The following IFT80 variants were observed in gnomAD, a reference collection of about 807,000 sequenced individuals.
IFT80 encodes the protein intraflagellar transport protein 80 homolog.
A neutral mutation model predicts 107.9 loss-of-function variants in IFT80; 79 were observed. That is an observed-to-expected ratio of 0.73 (90% CI 0.61 to 0.88). IFT80 has a LOEUF of 0.88. IFT80 is among the 40% of genes least tolerant of loss of function. The pLI, the probability that IFT80 is intolerant of heterozygous loss-of-function variation, is 0.00. For synonymous variants in IFT80, 299 were observed against 300.9 expected (o/e 0.99, Z 0.07); for missense variants, 797 against 914.2 (o/e 0.87, Z 1.65).
chr3:160,315,208 A>T (rs1011033255), intron 9 of IFT80, among the ~76,000 whole-genome samples: 2 of 152,202 alleles, frequency 1.3e-5, no homozygotes, highest in African/African-American at 4.8e-5. Flanking sequence ...GGGATAGTCA[A>T]CTATGTATTC....
At chr3:160,311,784 T>C (rs1717273417) in intron 9 of IFT80, among the ~76,000 whole-genome samples, 1 of 152,110 alleles carries the variant, frequency 6.6e-6, no homozygotes, top group Non-Finnish European at 1.5e-5. Flanking sequence ...TGTTTTTTGT[T>C]TGTCTGTTTT....
chr3:160,337,583 C>T (rs1357016168), intron 8 of IFT80, among the ~76,000 whole-genome samples: 1 of 152,010 alleles, frequency 6.6e-6, no homozygotes, highest in Admixed American at 6.5e-5. Context: ...GAGATCGTGC[C>T]ACTGTACTCC....
At chr3:160,313,074 A>T (rs1717532235) in intron 9 of IFT80, among the ~76,000 whole-genome samples, 1 of 106,548 alleles carries the variant, frequency 9.4e-6, no homozygotes, top group Non-Finnish European at 1.8e-5. Flanking sequence ...TATTATATAT[A>T]TTTTATATAA....
intron 5 of IFT80, among the ~76,000 whole-genome samples, chr3:160,369,674 G>A (rs1034070401): frequency 2.0e-5 from 3 of 151,688 alleles, no homozygotes; most frequent in Non-Finnish European, 2.9e-5. Flanking sequence ...GCTATGTTTC[G>A]CTTTGCAAAG....
chr3:160,291,253 C>T (rs868159361), intron 12 of IFT80, among the ~76,000 whole-genome samples: 3 of 152,114 alleles, frequency 2.0e-5, no homozygotes, highest in South Asian at 2.1e-4. Context: ...CCCCTATAAC[C>T]GAAGAATAGA....
At position 160,347,699 on chromosome 3, in the gene IFT80, T is replaced by G. The variant is rs545229929; in HGVS notation, c.777+8314A>C. 2.0e-5 allele frequency among the ~76,000 whole-genome samples: 3 copies of G among 152,300 alleles called. No homozygotes were observed. The East Asian group carries it at 5.8e-4, about 29-fold the overall frequency. ...AACCCAGTCTTTTTACTAAATAACA[T>G]CATAAGTATCTTTCCAGGTGATTAA... On this transcript the variant is annotated intron_variant, in intron 8 of 19. Coordinates refer to ENST00000326448, the MANE Select transcript of IFT80 (RefSeq NM_020800.3).
At chr3:160,362,388 A>C (rs1391899626) in intron 6 of IFT80, among the ~76,000 whole-genome samples, 1 of 152,176 alleles carries the variant, frequency 6.6e-6, no homozygotes, top group Non-Finnish European at 1.5e-5. Flanking sequence ...TAACCTACCA[A>C]CCAAAAAAAG....
chr3:160,373,920 C>G (rs66769612), intron 5 of IFT80, among the ~76,000 whole-genome samples: 12,221 of 152,162 alleles, frequency 0.08, 663 homozygotes, highest in African/African-American at 0.14. Context: ...CTGCCCAGTT[C>G]CTAACAGACA....
chr3:160,366,062 G>A lies in IFT80; in HGVS notation c.530C>T (p.Pro177Leu), dbSNP rs1721839000. ...AAGTACCTGCAAAACTTTAGCATTT[G>A]GTTGAAGAGGTTTAATGATTAGCTG... is the stretch of plus-strand genomic sequence containing the variant. ...GKQLIIKPLQ[P>L]NAKVLQWKAH... Residue 177 changes from proline (P) to leucine (L), a missense_variant, in exon 6 of 20, where the codon CCA becomes CTA. Transcript: ENST00000326448. The A allele has an allele frequency of 1.2e-6, 2 of 1,612,104 alleles. No homozygotes were observed. The highest frequency in any genetic ancestry group is 2.2e-5 in the East Asian group (1 of 44,826).
chr3:160,280,935 C>G, intron 14 of IFT80, 121 bp from the exon 15 acceptor site: 1 of 831,978 alleles, frequency 1.2e-6, no homozygotes, highest in South Asian at 1.5e-5. Flanking sequence ...ACTCTACTTT[C>G]TGATTCTATA....
rs1252222384 is a variant in IFT80 at position 160,377,346 on chromosome 3, T to C, written c.370+84A>G. The C allele has an allele frequency of 5.0e-6, 4 of 794,906 alleles. No individual in the cohort carries two copies. The African/African-American group carries it at 5.1e-5, about 10-fold the overall frequency. 49.2% of individuals were successfully genotyped at this position (794,906 alleles called of 1,614,324 possible). ...TTTGCTATTACACAATGAAAGACAC[T>C]ATTGCTAAATGAAAATATTCTGTTT... is the stretch of plus-strand genomic sequence containing the variant. On this transcript the variant is annotated intron_variant, in intron 4 of 19. Transcript: ENST00000326448.
intron 19 of IFT80, among the ~76,000 whole-genome samples, chr3:160,259,953 C>T (rs1712682392): frequency 1.3e-5 from 2 of 152,126 alleles, no homozygotes; most frequent in South Asian, 4.1e-4. Context: ...AGTATTAAAG[C>T]AGAATGAAGT....
At chr3:160,310,157 C>T (rs542625934) in intron 9 of IFT80, among the ~76,000 whole-genome samples, 1 of 152,276 alleles carries the variant, frequency 6.6e-6, no homozygotes, top group East Asian at 1.9e-4. Flanking sequence ...GCAAGGCCCT[C>T]ATGGAAAAAT....
At chr3:160,366,387 T>C (rs958283777) in intron 5 of IFT80, among the ~76,000 whole-genome samples, 12 of 152,028 alleles carry the variant, frequency 7.9e-5, no homozygotes, top group African/African-American at 2.7e-4. Context: ...TTTAACTAAT[T>C]AGGATCTTGC....
chr3:160,355,884 G>C, intron 8 of IFT80, 129 bp downstream of exon 8: 1 of 1,145,112 alleles, frequency 8.7e-7, no homozygotes, highest in Non-Finnish European at 1.3e-6. Flanking sequence ...AGCATATTAA[G>C]AAGACAAATC....
At chr3:160,398,913 A>C (rs1714107775) in intron 1 of IFT80, among the ~76,000 whole-genome samples, 1 of 152,168 alleles carries the variant, frequency 6.6e-6, no homozygotes, top group Admixed American at 6.5e-5. Context: ...CGCTATTCAC[A>C]TGTCGACTAA....
intron 8 of IFT80, among the ~76,000 whole-genome samples, chr3:160,348,378 T>C (rs564702205): frequency 1.0e-3 from 155 of 152,324 alleles, no homozygotes; most frequent in African/African-American, 3.6e-3. Flanking sequence ...ACTTTTGATA[T>C]GTAAGGAATA....
Position 160,277,626 on chromosome 3 carries a change from A to T in IFT80, c.1881T>A (p.Asn627Lys). 12 of 1,613,802 alleles carry T rather than the reference A, an allele frequency of 7.4e-6. No homozygotes were observed. The highest frequency in any genetic ancestry group is 9.3e-6 in the Non-Finnish European group (11 of 1,179,790). Reference sequence around the variant, plus strand: ...CTATTTCTGCAGTAGTCATATCTCGATTAGCAACTGCCATAGCAGCTAGAC... The same window carrying T: ...CTATTTCTGCAGTAGTCATATCTCGTTTAGCAACTGCCATAGCAGCTAGAC... ...WACLAAMAVA[N>K]RDMTTAEIAY... is the part of the protein sequence containing the mutation. Residue 627 changes from asparagine (N) to lysine (K), a missense_variant, in exon 17 of 20, where the codon AAT (asparagine) becomes AAA (lysine). Asn to Lys is a moderately conservative substitution (Grantham distance 94). Transcript: ENST00000326448.
chr3:160,384,569 G>A lies in IFT80; in HGVS notation c.32C>T (p.Pro11Leu). The A allele has an allele frequency of 6.7e-7, 1 of 1,486,952 alleles. No homozygotes were observed. Among genetic ancestry groups the A allele is most frequent in the South Asian group, 1.1e-5 (1 of 87,650 alleles). The allele number at this position is 1,486,952 out of a possible 1,614,324, so 92.1% of individuals were successfully genotyped here. Residue 11 changes from proline (P) to leucine (L), a missense_variant, in exon 2 of 20, where the codon CCA (proline) becomes CTA (leucine). By Grantham distance (98) the Pro-to-Leu change is moderately conservative. Coordinates refer to ENST00000326448, the MANE Select transcript of IFT80 (RefSeq NM_020800.3). The part of the protein sequence containing the change: MRLKISLLKE[P>L]KHQELVSCVG... Reference sequence around the variant, plus strand: ...TATAAGCATTAAAAGGATATGCTTTGGTTCTTTTAAAAGAGATATCTTTAG... The same window carrying A: ...TATAAGCATTAAAAGGATATGCTTTAGTTCTTTTAAAAGAGATATCTTTAG...
Sources: allele counts gnomAD v4.1 joint callset (sites outside exome capture counted in the v4.1 genomes callset), GRCh38; gene constraint gnomAD v4.1.1; transcripts MANE v1.5; gene names NCBI Gene and HGNC (gene_info 2026-07-23, HGNC 2026-07-21).